Variants in PLXNA2 observed in about 807,000 individuals in gnomAD.
PLXNA2 encodes the protein plexin A2, also known as plexin-A2.
A neutral mutation model predicts 193.5 loss-of-function variants in PLXNA2; 91 were observed. The observed-to-expected ratio is 0.47, with a 90% CI of 0.40 to 0.56. The LOEUF is 0.56. Among genes scored for constraint, PLXNA2 ranks in the 20% least tolerant of loss-of-function variants. The probability of loss-of-function intolerance (pLI) is 0.00; values close to 1 mark genes in which losing one functional copy is unlikely to be tolerated. For missense variants in PLXNA2, 1,995 were observed against 2,503.2 expected, an observed-to-expected ratio of 0.80 and a Z score of 4.33; for synonymous variants, 997 against 1,027.3, an observed-to-expected ratio of 0.97 and a Z score of 0.56.
At chr1:208,064,805 C>G (rs2478820) in intron 12 of PLXNA2, among the ~76,000 whole-genome samples, 146,947 of 152,216 alleles carry the variant, frequency 0.97, 71,156 homozygotes, top group Middle Eastern at 1. Context: ...TTCTCCAGAG[C>G]GGGAGTGAGC....
chr1:208,052,572 A>C, intron 14 of PLXNA2, 109 bp from the exon 15 acceptor site: 1 of 1,065,044 alleles, frequency 9.4e-7, no homozygotes, highest in Non-Finnish European at 1.4e-6. Context: ...GCGTGGTGGT[A>C]CTTGTCCTGT....
intron 1 of PLXNA2, among the ~76,000 whole-genome samples, chr1:208,235,325 A>G (rs1671818637): frequency 1.3e-5 from 2 of 152,100 alleles, no homozygotes; most frequent in African/African-American, 4.8e-5. Flanking sequence ...ATTCCAAACA[A>G]ATTTGGAGAG....
intron 17 of PLXNA2, 55 bp from the exon 18 acceptor site, chr1:208,046,172 G>C: frequency 6.4e-7 from 1 of 1,566,928 alleles, no homozygotes; most frequent in Non-Finnish European, 8.7e-7. Flanking sequence ...CAGAGCCCAG[G>C]GGCCCACAGC....
intron 1 of PLXNA2, among the ~76,000 whole-genome samples, chr1:208,227,688 A>T (rs1671554922): frequency 6.6e-6 from 1 of 152,164 alleles, no homozygotes; most frequent in Non-Finnish European, 1.5e-5. Flanking sequence ...ATCAAGCACC[A>T]GGTGGAATCC....
chr1:208,065,754 G>A (rs1665775893), intron 12 of PLXNA2, among the ~76,000 whole-genome samples: 1 of 152,202 alleles, frequency 6.6e-6, no homozygotes, highest in African/African-American at 2.4e-5. Context: ...GATGCCGCCA[G>A]AGCAGGGCCC....
rs1157513192 is a variant in PLXNA2 at position 208,102,371 on chromosome 1, G to C, written c.1607+776C>G. On this transcript the variant is annotated intron_variant, in intron 5 of 31. Transcript: ENST00000367033. ...CATTGGGCAACAGAATTCCTAGCCA[G>C]CTCCTGTCTTTCGGGGTTTTCACCC... Among the ~76,000 whole-genome samples, 3 of 152,268 alleles carry C rather than the reference G, an allele frequency of 2.0e-5. No individual in the cohort carries two copies. In the East Asian group the frequency reaches 5.8e-4, roughly 29 times the overall value.
Position 208,051,092 on chromosome 1 carries a change from G to C in PLXNA2, c.3172C>G (p.Pro1058Ala), listed in dbSNP as rs1195870123. 6.2e-7 allele frequency: 1 copy of C among 1,613,800 alleles called. No individual in the cohort carries two copies. The highest frequency in any genetic ancestry group is 2.2e-5 in the East Asian group (1 of 44,878). ...AGGTTGAAGCCTGTGATGGTCAGGG[G>C]TGTGTGGCCACTGAAAACAGGCAGA... Reference protein sequence around the residue: ...PEWSIASGHTPLTITGFNLDV... With the variant: ...PEWSIASGHTALTITGFNLDV... Residue 1058 changes from proline to alanine, a missense_variant, in exon 17 of 32, where the codon CCC becomes GCC. Coordinates refer to ENST00000367033, the MANE Select transcript of PLXNA2 (RefSeq NM_025179.4).
chr1:208,149,347 T>C (rs901326163), intron 3 of PLXNA2, among the ~76,000 whole-genome samples: 3 of 151,846 alleles, frequency 2.0e-5, no homozygotes, highest in Non-Finnish European at 4.4e-5. Flanking sequence ...GTATGTGTTG[T>C]ATGTACATGG....
At chr1:208,060,555 TG>T in intron 13 of PLXNA2, 130 bp downstream of exon 13, 1 of 897,928 alleles carries the variant, frequency 1.1e-6, no homozygotes, top group Non-Finnish European at 1.7e-6. Context: ...GGGAGGCTTC[TG>T]GGGCAGGTCC....
chr1:208,094,437 T>C (rs1290276776), intron 8 of PLXNA2, among the ~76,000 whole-genome samples: 2 of 150,752 alleles, frequency 1.3e-5, no homozygotes, highest in Non-Finnish European at 3.0e-5. Flanking sequence ...GAGACCTGCT[T>C]TTTTTTTTTC....
intron 3 of PLXNA2, among the ~76,000 whole-genome samples, chr1:208,187,977 T>C: frequency 6.6e-6 from 1 of 152,160 alleles, no homozygotes. Flanking sequence ...CTGGGGTGAT[T>C]TCCCCAAGGT....
intron 2 of PLXNA2, among the ~76,000 whole-genome samples, chr1:208,214,499 C>A (rs938188754): frequency 5.9e-5 from 9 of 152,166 alleles, no homozygotes; most frequent in Non-Finnish European, 1.0e-4. Flanking sequence ...CAAATGATGA[C>A]AGGAATAGAA....
At chr1:208,100,374 G>A (rs537431876) in intron 5 of PLXNA2, among the ~76,000 whole-genome samples, 5 of 152,202 alleles carry the variant, frequency 3.3e-5, no homozygotes, top group African/African-American at 9.6e-5. Context: ...AAAAAAGGAG[G>A]AGGAGGATGA....
chr1:208,115,363 A>C (rs1667602975), intron 4 of PLXNA2, among the ~76,000 whole-genome samples: 1 of 152,218 alleles, frequency 6.6e-6, no homozygotes, highest in Non-Finnish European at 1.5e-5. Flanking sequence ...CCATTCATCC[A>C]TCCATTCATC....
chr1:208,155,601 G>A (rs1181668995), intron 3 of PLXNA2, among the ~76,000 whole-genome samples: 1 of 152,186 alleles, frequency 6.6e-6, no homozygotes, highest in Non-Finnish European at 1.5e-5. Flanking sequence ...GAAAGTACCA[G>A]AGAAACTGCA....
chr1:208,164,904 A>C (rs1669251988), intron 3 of PLXNA2, among the ~76,000 whole-genome samples: 1 of 152,222 alleles, frequency 6.6e-6, no homozygotes, highest in Non-Finnish European at 1.5e-5. Context: ...TGGCAGGTTA[A>C]AAATACTCTG....
rs1308166693 is a variant in PLXNA2, at chr1:208,038,901, G to A, written c.4584C>T (p.Val1528=). ...ACACGGCATCAAGAATCTTCTCCTT[G>A]ACCTGTGTGATGGTGTCACAGTTTA... is the stretch of plus-strand genomic sequence containing the variant. ...KVLNCDTITQ[V]KEKILDAVYK... is the part of the protein sequence containing the mutation. The change falls in exon 25 of 32, where the codon GTC becomes GTT. Residue 1528 remains valine (V), a synonymous_variant. Transcript: ENST00000367033. This position sits in a 1 kb window ranked among gnomAD's most constrained non-coding sequence, Gnocchi z 4.1. The A allele has an allele frequency of 1.2e-6, 2 of 1,614,024 alleles. No individual in the cohort carries two copies. Among genetic ancestry groups the A allele is most frequent in the Non-Finnish European group, 1.7e-6 (2 of 1,179,950 alleles).
chr1:208,114,778 C>G (rs1667587216), intron 4 of PLXNA2, among the ~76,000 whole-genome samples: 1 of 152,088 alleles, frequency 6.6e-6, no homozygotes, highest in Non-Finnish European at 1.5e-5. Context: ...AGAGAATTGT[C>G]TTGTCCATCA....
At chr1:208,067,825 C>T (rs1484920744) in intron 12 of PLXNA2, among the ~76,000 whole-genome samples, 1 of 152,140 alleles carries the variant, frequency 6.6e-6, no homozygotes, top group Non-Finnish European at 1.5e-5. Flanking sequence ...CATGACTGTA[C>T]ATGTGCTCGC....
Sources: allele counts gnomAD v4.1 joint callset (sites outside exome capture counted in the v4.1 genomes callset), GRCh38; gene constraint gnomAD v4.1.1; non-coding constraint Gnocchi (gnomAD v3.1); transcripts MANE v1.5; gene names NCBI Gene and HGNC (gene_info 2026-07-23, HGNC 2026-07-21).